Variants in PAK5 observed in about 807,000 individuals in gnomAD.
PAK5 encodes the protein p21 (RAC1) activated kinase 5, also known as serine/threonine-protein kinase PAK 5.
A neutral mutation model predicts 65.9 loss-of-function variants in PAK5; 16 were observed. That is an observed-to-expected ratio of 0.24 (90% CI 0.16 to 0.37). The LOEUF is 0.37. Among genes scored for constraint, PAK5 ranks in the 10% least tolerant of loss-of-function variants. PAK5 has a pLI of 1.00. For missense variants in PAK5, 785 were observed against 903.9 expected, an observed-to-expected ratio of 0.87 and a Z score of 1.69; for synonymous variants, 371 against 354.9, an observed-to-expected ratio of 1.05 and a Z score of -0.51.
At chr20:9,552,724 GTTT>G (rs11471167) in intron 7 of PAK5, among the ~76,000 whole-genome samples, 9 of 141,262 alleles carry the variant, frequency 6.4e-5, no homozygotes, top group East Asian at 4.1e-4. Context: ...AAATTTTTTA[GTTT>G]TTTTTTTTTT....
intron 3 of PAK5, among the ~76,000 whole-genome samples, chr20:9,616,097 C>A (rs1254321709): frequency 6.6e-6 from 1 of 152,172 alleles, no homozygotes; most frequent in African/African-American, 2.4e-5. Context: ...TGATGGGAAG[C>A]ATGTCAAAGA....
chr20:9,612,414 T>G (rs2046579975), intron 3 of PAK5, among the ~76,000 whole-genome samples: 1 of 152,156 alleles, frequency 6.6e-6, no homozygotes, highest in South Asian at 2.1e-4. Flanking sequence ...ACAGGAAGCA[T>G]AAGTCTGGCA....
chr20:9,805,740 G>C (rs1462415427), intron 1 of PAK5, among the ~76,000 whole-genome samples: 1 of 152,158 alleles, frequency 6.6e-6, no homozygotes. Context: ...GGGGAGGAGA[G>C]AGTGGAAAGT....
chr20:9,711,586 G>A (rs558563791), intron 1 of PAK5, among the ~76,000 whole-genome samples, 151 bp from the exon 2 acceptor site: 6 of 152,076 alleles, frequency 3.9e-5, no homozygotes, highest in Non-Finnish European at 5.9e-5. Context: ...ATGCAGCTAC[G>A]GATCTGTATA....
At chr20:9,610,513 A>G (rs1380033792) in intron 3 of PAK5, among the ~76,000 whole-genome samples, 2 of 152,206 alleles carry the variant, frequency 1.3e-5, no homozygotes, top group East Asian at 3.8e-4. Flanking sequence ...GATCATATAT[A>G]TTAATATATT....
In PAK5 at chr20:9,621,606, A is replaced by C. The variant is rs113321354; in HGVS notation, c.204+22519T>G. ...ATGAAAAAAACTCTTACATACTTCC[A>C]AGAAAGAATGAGAATACCAATGGGC... On this transcript the variant is annotated intron_variant, in intron 3 of 9. Transcript: ENST00000353224. 2.0e-4 allele frequency among the ~76,000 whole-genome samples: 30 copies of C among 152,308 alleles called. 1 individual carries two copies. Among genetic ancestry groups the C allele is most frequent in the African/African-American group, 7.0e-4 (29 of 41,564 alleles).
intron 3 of PAK5, among the ~76,000 whole-genome samples, chr20:9,640,022 C>T (rs573645383): frequency 3.3e-5 from 5 of 152,250 alleles, no homozygotes; most frequent in Admixed American, 2.0e-4. Context: ...TCTAACAAGA[C>T]GGCACATGTC....
At chr20:9,734,210 GT>G (rs759328382) in intron 1 of PAK5, among the ~76,000 whole-genome samples, 3 of 152,290 alleles carry the variant, frequency 2.0e-5, no homozygotes, top group Non-Finnish European at 4.4e-5. Context: ...TATTAGGAAA[GT>G]TGAAAACCTG....
chr20:9,574,681 C>T (rs945446598), intron 4 of PAK5, among the ~76,000 whole-genome samples: 1 of 152,132 alleles, frequency 6.6e-6, no homozygotes, highest in African/African-American at 2.4e-5. Context: ...AAGAAGTGTC[C>T]ATTCATATGC....
At chr20:9,654,446 A>C (rs67599412) in intron 2 of PAK5, among the ~76,000 whole-genome samples, 28,370 of 152,052 alleles carry the variant, frequency 0.19, 3,006 homozygotes, top group East Asian at 0.4. Context: ...CTTGCTGGAG[A>C]TGTCTACCAC....
At chr20:9,764,137 A>G (rs1369225478) in intron 1 of PAK5, among the ~76,000 whole-genome samples, 1 of 152,196 alleles carries the variant, frequency 6.6e-6, no homozygotes, top group Non-Finnish European at 1.5e-5. Context: ...AACCAGAATC[A>G]CACACTGCAT....
chr20:9,587,332 CAG>C (rs2046087889), intron 3 of PAK5, among the ~76,000 whole-genome samples: 1 of 152,136 alleles, frequency 6.6e-6, no homozygotes, highest in Non-Finnish European at 1.5e-5. Context: ...TGAATTTAAA[CAG>C]ATGTATCTCA....
chr20:9,598,420 A>T (rs1018778753), intron 3 of PAK5, among the ~76,000 whole-genome samples: 1 of 152,222 alleles, frequency 6.6e-6, no homozygotes, highest in East Asian at 1.9e-4. Flanking sequence ...TAAGAAACAT[A>T]TACATACATG....
chr20:9,691,025 G>T (rs566110490), intron 2 of PAK5, among the ~76,000 whole-genome samples: 4 of 152,140 alleles, frequency 2.6e-5, no homozygotes, highest in African/African-American at 9.6e-5. Context: ...AAAGTGCTGG[G>T]ATTACAGGTG....
chr20:9,554,337 C>T (rs1438519698), intron 7 of PAK5, among the ~76,000 whole-genome samples: 2 of 152,192 alleles, frequency 1.3e-5, no homozygotes, highest in African/African-American at 4.8e-5. Flanking sequence ...TCTTGGGACG[C>T]ACTCTTGGGA....
chr20:9,616,458 A>G (rs2046657398), intron 3 of PAK5, among the ~76,000 whole-genome samples: 1 of 152,206 alleles, frequency 6.6e-6, no homozygotes, highest in South Asian at 2.1e-4. Flanking sequence ...TGGGAAGGGA[A>G]TCAGCGTTCT....
intron 4 of PAK5, among the ~76,000 whole-genome samples, chr20:9,572,607 C>T (rs965334878): frequency 2.0e-5 from 3 of 152,166 alleles, no homozygotes; most frequent in African/African-American, 7.2e-5. Flanking sequence ...AGTGAAAACA[C>T]AATGCAGTGG....
chr20:9,647,582 G>T (rs2047150283), intron 2 of PAK5, among the ~76,000 whole-genome samples: 1 of 152,196 alleles, frequency 6.6e-6, no homozygotes, highest in East Asian at 1.9e-4. Flanking sequence ...GCATTGAAAA[G>T]AAGATATCAA....
At chr20:9,623,562 T>C (rs544923178) in intron 3 of PAK5, among the ~76,000 whole-genome samples, 1 of 152,276 alleles carries the variant, frequency 6.6e-6, no homozygotes, top group East Asian at 1.9e-4. Context: ...AACATAAAAC[T>C]AAACAACTAT....
Sources: gnomAD v4.1 joint callset for allele counts (sites outside exome capture counted in the v4.1 genomes callset) on GRCh38, gnomAD v4.1.1 for gene constraint, MANE v1.5 for transcripts, NCBI Gene and HGNC (gene_info 2026-07-23, HGNC 2026-07-21) for gene names.